CAMK2D: variants seen among roughly 807,000 people sequenced by gnomAD.
CAMK2D encodes the protein calcium/calmodulin-dependent protein kinase type II subunit delta.
A neutral mutation model predicts 84.0 loss-of-function variants in CAMK2D; 37 were observed. That is an observed-to-expected ratio of 0.44 (90% confidence interval 0.34 to 0.58). CAMK2D has a LOEUF of 0.58. CAMK2D is among the 20% of genes least tolerant of loss of function. The probability of loss-of-function intolerance (pLI) is 0.02; values close to 1 mark genes in which losing one functional copy is unlikely to be tolerated. For synonymous variants in CAMK2D, 202 were observed against 212.5 expected, an observed-to-expected ratio of 0.95 and a Z score of 0.43; for missense variants, 448 against 652.5, an observed-to-expected ratio of 0.69 and a Z score of 3.41.
intron 6 of CAMK2D, among the ~76,000 whole-genome samples, chr4:113,541,168 G>T (rs1402874628): frequency 2.0e-5 from 3 of 152,194 alleles, no homozygotes; most frequent in Admixed American, 2.0e-4. Context: ...TTTCAGAACT[G>T]GAAGAGACTT....
chr4:113,546,125 A>G (rs1024961358), intron 6 of CAMK2D, among the ~76,000 whole-genome samples: 1 of 152,234 alleles, frequency 6.6e-6, no homozygotes, highest in East Asian at 1.9e-4. Context: ...TTATGGTTAT[A>G]TAACATGGAG....
At chr4:113,494,425 G>C (rs1442133717) in intron 16 of CAMK2D, among the ~76,000 whole-genome samples, 2 of 152,110 alleles carry the variant, frequency 1.3e-5, no homozygotes, top group Admixed American at 1.3e-4. Flanking sequence ...TGCCCCTGCT[G>C]GGGGGTGCCT....
chr4:113,638,665 A>G (rs1383547435), intron 3 of CAMK2D, among the ~76,000 whole-genome samples: 1 of 152,150 alleles, frequency 6.6e-6, no homozygotes, highest in African/African-American at 2.4e-5. Context: ...ATGCGAACTC[A>G]TTAGGGCTAT....
intron 3 of CAMK2D, among the ~76,000 whole-genome samples, chr4:113,655,992 T>G (rs149810995): frequency 1.3e-5 from 2 of 152,302 alleles, no homozygotes; most frequent in Non-Finnish European, 2.9e-5. Context: ...TCAAATATTT[T>G]ATTTCAATAC....
At chr4:113,716,979 T>A (rs2099515650) in intron 2 of CAMK2D, among the ~76,000 whole-genome samples, 1 of 152,214 alleles carries the variant, frequency 6.6e-6, no homozygotes, top group South Asian at 2.1e-4. Context: ...ATTATTTTCA[T>A]TTAATATTGG....
At chr4:113,690,591 C>T (rs1443750151) in intron 2 of CAMK2D, among the ~76,000 whole-genome samples, 1 of 152,300 alleles carries the variant, frequency 6.6e-6, no homozygotes, top group South Asian at 2.1e-4. Context: ...AAAATATCTA[C>T]TAAATGATGT....
chr4:113,484,050 T>C (rs1392600296), intron 16 of CAMK2D, among the ~76,000 whole-genome samples: 1 of 152,170 alleles, frequency 6.6e-6, no homozygotes, highest in South Asian at 2.1e-4. Context: ...CTGTGGGGCA[T>C]TCTGAAACAA....
At chr4:113,756,072 C>A (rs2099627934) in intron 2 of CAMK2D, among the ~76,000 whole-genome samples, 1 of 151,910 alleles carries the variant, frequency 6.6e-6, no homozygotes, top group Non-Finnish European at 1.5e-5. Context: ...CATGCTAACA[C>A]AAAAGGTAAG....
intron 8 of CAMK2D, among the ~76,000 whole-genome samples, chr4:113,521,456 T>C (rs1332384875): frequency 2.0e-5 from 3 of 152,194 alleles, no homozygotes; most frequent in Admixed American, 1.3e-4. Flanking sequence ...TGTTCTAAAC[T>C]TGAAATCAGC....
At chr4:113,567,537 A>T (rs1362574667) in intron 4 of CAMK2D, among the ~76,000 whole-genome samples, 3 of 152,122 alleles carry the variant, frequency 2.0e-5, no homozygotes, top group African/African-American at 7.2e-5. Flanking sequence ...CCCACATAAA[A>T]TTTTACATTT....
chr4:113,515,004 C>A (rs2098266430), intron 10 of CAMK2D, 65 bp downstream of exon 10: 1 of 1,404,870 alleles, frequency 7.1e-7, no homozygotes. Flanking sequence ...AATCCATAAA[C>A]AATATATTAA....
chr4:113,557,790 A>T (rs1158211892), intron 4 of CAMK2D, among the ~76,000 whole-genome samples: 4 of 152,190 alleles, frequency 2.6e-5, no homozygotes, highest in Non-Finnish European at 5.9e-5. Flanking sequence ...CCCTGGGCAC[A>T]TATACGTATA....
At chr4:113,691,483 T>C (rs1399432741) in intron 2 of CAMK2D, among the ~76,000 whole-genome samples, 1 of 152,214 alleles carries the variant, frequency 6.6e-6, no homozygotes, top group African/African-American at 2.4e-5. Flanking sequence ...AGGGGCACAG[T>C]GGCTCACACC....
intron 16 of CAMK2D, among the ~76,000 whole-genome samples, chr4:113,497,115 G>GTT (rs5861137): frequency 0.011 from 1,603 of 145,112 alleles, 35 homozygotes; most frequent in African/African-American, 0.038. Flanking sequence ...GTTTCACTGA[G>GTT]TTTTTTTTTT....
intron 16 of CAMK2D, among the ~76,000 whole-genome samples, chr4:113,467,331 G>A (rs957628514): frequency 6.6e-6 from 1 of 152,118 alleles, no homozygotes; most frequent in African/African-American, 2.4e-5. Context: ...TTAACCACAA[G>A]CTTAAATGCT....
chr4:113,581,130 C>A (rs373952809), intron 4 of CAMK2D, among the ~76,000 whole-genome samples: 1 of 152,002 alleles, frequency 6.6e-6, no homozygotes, highest in South Asian at 2.1e-4. Context: ...TTCTCACAAA[C>A]AGAATAATTT....
chr4:113,640,135 G>A (rs559058515), intron 3 of CAMK2D, among the ~76,000 whole-genome samples: 15 of 152,140 alleles, frequency 9.9e-5, no homozygotes, highest in Non-Finnish European at 1.0e-4. Context: ...AGGTCTGGGT[G>A]GGAGCTGAGT....
At chr4:113,564,703 G>A (rs1284288584) in intron 4 of CAMK2D, among the ~76,000 whole-genome samples, 1 of 152,172 alleles carries the variant, frequency 6.6e-6, no homozygotes, top group African/African-American at 2.4e-5. Context: ...GATGCAATAT[G>A]AAATCAGTTA....
intron 8 of CAMK2D, among the ~76,000 whole-genome samples, chr4:113,520,909 G>T (rs1448849888): frequency 1.3e-5 from 2 of 152,024 alleles, no homozygotes; most frequent in Non-Finnish European, 2.9e-5. Context: ...TGCACAGCTA[G>T]TCCCAGCCAC....
Sources: allele counts gnomAD v4.1 joint callset (sites outside exome capture counted in the v4.1 genomes callset), GRCh38; gene constraint gnomAD v4.1.1; transcripts MANE v1.5; gene names NCBI Gene and HGNC (gene_info 2026-07-23, HGNC 2026-07-21).